The following SRR variants were observed in gnomAD, a reference collection of about 807,000 sequenced individuals.
SRR encodes the protein D-serine ammonia-lyase.
A neutral mutation model predicts 32.7 loss-of-function variants in SRR; 19 were observed. The observed-to-expected ratio is 0.58, with a 90% CI of 0.40 to 0.85. The LOEUF (loss-of-function observed/expected upper bound fraction) is 0.85. Ranked by LOEUF, SRR falls within the 40% of genes least tolerant of loss-of-function variation. The pLI, the probability that SRR is intolerant of heterozygous loss-of-function variation, is 0.00. For synonymous variants in SRR, 142 were observed against 140.9 expected, an observed-to-expected ratio of 1.01 and a Z score of -0.06; for missense variants, 373 against 404.7, an observed-to-expected ratio of 0.92 and a Z score of 0.67.
upstream of SRR, chr17:2,303,667 G>C: frequency 6.7e-7 from 1 of 1,493,388 alleles, no homozygotes; most frequent in Non-Finnish European, 8.9e-7. Context: ...GAGTAGCCAG[G>C]ATCCCGCGCA....
In SRR at chr17:2,324,873, A is replaced by G. The variant is rs574882085; in HGVS notation, c.*1000A>G. The G allele has an allele frequency of 6.3e-7, 1 of 1,579,020 alleles. No individual in the cohort carries two copies. The highest frequency in any genetic ancestry group is 1.4e-5 in the African/African-American group (1 of 73,640). ...GAAGCTATTTAGGAATTTACAGGCC[A>G]AAGTCTTCATTTATTGCCCAGTCCA... On this transcript the variant is annotated 3_prime_UTR_variant, in exon 8 of 8. Coordinates refer to ENST00000344595, the MANE Select transcript of SRR (RefSeq NM_021947.3).
intron 2 of SRR, among the ~76,000 whole-genome samples, chr17:2,316,950 C>T (rs2075478913): frequency 7.1e-6 from 1 of 141,126 alleles, no homozygotes; most frequent in Non-Finnish European, 1.5e-5. Context: ...TGTTCTTGAT[C>T]TGACCTTGTG....
At chr17:2,311,144 C>CTCT (rs1470245158) in intron 1 of SRR, among the ~76,000 whole-genome samples, 1 of 151,752 alleles carries the variant, frequency 6.6e-6, no homozygotes, top group African/African-American at 2.4e-5. Context: ...TTGCTTTGGC[C>CTCT]TCCAAAAGTG....
rs1169032873 is a variant in SRR, at chr17:2,318,133, TAA to T, written c.295+138_295+139del. ...TATCTGATTGCAAGCAATATGAACATAAGTTTTTTTTTTGTTTGTTTTGTTTT... is the reference window on the plus strand; with the variant it reads ...TATCTGATTGCAAGCAATATGAACATGTTTTTTTTTTGTTTGTTTTGTTTT... On this transcript the variant is annotated intron_variant, in intron 3 of 7. Transcript: ENST00000344595. 15 of 1,062,224 alleles carry T rather than the reference TAA, an allele frequency of 1.4e-5. No individual in the cohort carries two copies. In the African/African-American group the frequency reaches 1.6e-4, roughly 12 times the overall value. The allele number at this position is 1,062,224 out of a possible 1,614,324, so 65.8% of individuals were successfully genotyped here.
chr17:2,313,060 G>A (rs2075444519), intron 1 of SRR, among the ~76,000 whole-genome samples: 1 of 152,112 alleles, frequency 6.6e-6, no homozygotes, highest in African/African-American at 2.4e-5. Flanking sequence ...CCAAGTAGCC[G>A]GGACTACCAG....
chr17:2,306,761 A>G (rs534048894), intron 1 of SRR: 3 of 634,480 alleles, frequency 4.7e-6, no homozygotes, highest in South Asian at 1.7e-5. Context: ...GACACCGCCA[A>G]GTCTAAGTCA....
intron 6 of SRR, among the ~76,000 whole-genome samples, chr17:2,322,289 A>G (rs955931904): frequency 1.5e-4 from 23 of 152,154 alleles, no homozygotes; most frequent in African/African-American, 5.5e-4. Flanking sequence ...TGACACCATC[A>G]TAGTCTTTTC....
Position 2,323,168 on chromosome 17 carries a change from T to C in SRR, c.627T>C (p.Ala209=). The change falls in exon 7 of 8, where the codon GCT becomes GCC. Residue 209 remains alanine (A), a synonymous_variant. Transcript: ENST00000344595. ...ALKPSVKVYA[A]EPSNADDCYQ... Reference sequence around the variant, plus strand: ...AACCTAGTGTGAAGGTATATGCTGCTGAACCCTCAAATGCAGATGACTGCT... The same window carrying C: ...AACCTAGTGTGAAGGTATATGCTGCCGAACCCTCAAATGCAGATGACTGCT... 6.2e-7 allele frequency: 1 copy of C among 1,614,236 alleles called. No individual in the cohort carries two copies. The highest frequency in any genetic ancestry group is 1.1e-5 in the South Asian group (1 of 91,082).
Position 2,323,973 on chromosome 17 carries a change from G to A in SRR, c.*100G>A. 8.3e-7 allele frequency: 1 copy of A among 1,198,478 alleles called. No individual in the cohort carries two copies. The highest frequency in any genetic ancestry group is 1.2e-6 in the Non-Finnish European group (1 of 853,516). The allele number at this position is 1,198,478 out of a possible 1,614,324, so 74.2% of individuals were successfully genotyped here. A position where few individuals can be genotyped will look rare whatever the true frequency, so the allele number is the denominator to read the frequency against. Reference sequence around the variant, plus strand: ...TCTTAGTTATCAGATTCTTAATGGAGAGTGGCTATTTCATTAAGATTTAAT... The same window carrying A: ...TCTTAGTTATCAGATTCTTAATGGAAAGTGGCTATTTCATTAAGATTTAAT... On this transcript the variant is annotated 3_prime_UTR_variant, in exon 8 of 8. Transcript: ENST00000344595.
At chr17:2,323,447 G>C in intron 7 of SRR, 102 bp downstream of exon 7, 1 of 1,379,132 alleles carries the variant, frequency 7.3e-7, no homozygotes, top group Non-Finnish European at 1.0e-6. Flanking sequence ...AACCTGACTA[G>C]GTAACTTCAT....
chr17:2,315,458 C>T, intron 1 of SRR, 99 bp from the exon 2 acceptor site: 5 of 1,143,076 alleles, frequency 4.4e-6, no homozygotes, highest in Non-Finnish European at 6.0e-6. Context: ...CATGACACCA[C>T]AGGCCCCAGG....
upstream of SRR, chr17:2,303,798 C>A (rs1181660939): frequency 1.6e-6 from 2 of 1,228,794 alleles, no homozygotes; most frequent in African/African-American, 3.2e-5. Context: ...ACGGGCGGCG[C>A]GCGCGCTCGC....
At chr17:2,316,448 G>C (rs1445824980) in intron 2 of SRR, among the ~76,000 whole-genome samples, 1 of 152,212 alleles carries the variant, frequency 6.6e-6, no homozygotes, top group Non-Finnish European at 1.5e-5. Flanking sequence ...AACTGTTGCA[G>C]GCAAATTGGA....
At chr17:2,314,670 T>TTC (rs1403410374) in intron 1 of SRR, among the ~76,000 whole-genome samples, 1 of 151,108 alleles carries the variant, frequency 6.6e-6, no homozygotes, top group East Asian at 1.9e-4. Context: ...GGAGAATCGC[T>TTC]TGAACCTGGG....
Position 2,324,810 on chromosome 17 carries a change from A to G in SRR, c.*937A>G. On this transcript the variant is annotated 3_prime_UTR_variant, in exon 8 of 8. Coordinates refer to ENST00000344595, the MANE Select transcript of SRR (RefSeq NM_021947.3). Reference sequence around the variant, plus strand: ...GATCTACTGACATAAGATGGCCTGTAGCAATGAGGCTGTGCATTCCTAAAG... The same window carrying G: ...GATCTACTGACATAAGATGGCCTGTGGCAATGAGGCTGTGCATTCCTAAAG... The G allele has an allele frequency of 6.2e-7, 1 of 1,613,766 alleles. No homozygotes were observed. Among genetic ancestry groups the G allele is most frequent in the Non-Finnish European group, 8.5e-7 (1 of 1,179,940 alleles).
rs766329177 is a variant in SRR, at chr17:2,324,480, G to T, written c.*607G>T. On this transcript the variant is annotated 3_prime_UTR_variant, in exon 8 of 8. Transcript: ENST00000344595. ...GCAACACTGCAGAAATGCAGACATG[G>T]TCTCAAATCCCGTGTTTCCTTACCT... 9 of 1,613,936 alleles carry T rather than the reference G, an allele frequency of 5.6e-6. No individual in the cohort carries two copies. Among genetic ancestry groups the T allele is most frequent in the Non-Finnish European group, 7.6e-6 (9 of 1,179,982 alleles).
upstream of SRR, chr17:2,303,794 G>T: frequency 7.8e-7 from 1 of 1,282,568 alleles, no homozygotes; most frequent in Non-Finnish European, 1.0e-6. Context: ...ACAGACGGGC[G>T]GCGCGCGCGC....
chr17:2,307,493 T>C, intron 1 of SRR: 1 of 1,436,304 alleles, frequency 7.0e-7, no homozygotes, highest in Non-Finnish European at 9.7e-7. Context: ...ATGGCTATAA[T>C]GGATTTGGTA....
chr17:2,303,398 G>A (rs1157803900), upstream of SRR: 4 of 1,247,420 alleles, frequency 3.2e-6, no homozygotes, highest in African/African-American at 6.2e-5. Flanking sequence ...GAAAGAGGGT[G>A]GAGGCAGGAA....
Sources: gnomAD v4.1 joint callset for allele counts (sites outside exome capture counted in the v4.1 genomes callset) on GRCh38, gnomAD v4.1.1 for gene constraint, MANE v1.5 for transcripts, NCBI Gene and HGNC (gene_info 2026-07-23, HGNC 2026-07-21) for gene names.